The following MAST2 variants were observed in gnomAD, a reference collection of about 807,000 sequenced individuals.
MAST2 encodes microtubule-associated serine/threonine-protein kinase 2.
Under a neutral mutation model 147.4 loss-of-function variants are expected in MAST2, and 70 were observed. The ratio of observed to expected loss-of-function variants is 0.47; its 90% CI spans 0.39 to 0.58. The LOEUF (loss-of-function observed/expected upper bound fraction) is 0.58, where lower values mean the gene tolerates loss of function less well. Among genes scored for constraint, MAST2 ranks in the 20% least tolerant of loss-of-function variants. The pLI, the probability that MAST2 is intolerant of heterozygous loss-of-function variation, is 0.00. For missense variants in MAST2, 2,080 were observed against 2,302.3 expected (o/e 0.90, Z 1.98); for synonymous variants, 869 against 896.8 (o/e 0.97, Z 0.55).
At chr1:46,010,707 T>C in intron 9 of MAST2, 23 bp from the exon 10 acceptor site, 1 of 1,608,874 alleles carries the variant, frequency 6.2e-7, no homozygotes. Flanking sequence ...AGGGAAGTGT[T>C]TCTTTCTTGC....
chr1:46,034,014 G>A, intron 27 of MAST2, 59 bp from the exon 28 acceptor site: 1 of 1,605,214 alleles, frequency 6.2e-7, no homozygotes, highest in Non-Finnish European at 8.5e-7. Context: ...TTGGCCCTGG[G>A]GGTCCAGTGT....
intron 3 of MAST2, among the ~76,000 whole-genome samples, chr1:45,859,163 C>T (rs529995912): frequency 9.2e-5 from 14 of 152,150 alleles, no homozygotes; most frequent in East Asian, 5.8e-4. Flanking sequence ...ATTGGTATCT[C>T]GGCTCACTGC....
At chr1:46,033,305 A>G (rs1368837406) in intron 26 of MAST2, among the ~76,000 whole-genome samples, 1 of 150,962 alleles carries the variant, frequency 6.6e-6, no homozygotes, top group Non-Finnish European at 1.5e-5. Context: ...CGAGTGTGGT[A>G]GCACATGCCT....
At chr1:45,893,210 T>C (rs12410070) in intron 4 of MAST2, among the ~76,000 whole-genome samples, 67,417 of 151,480 alleles carry the variant, frequency 0.45, 15,152 homozygotes, top group East Asian at 0.62. Flanking sequence ...TTTATTTATT[T>C]ATTTATTTTA....
chr1:45,932,532 G>C (rs1343219801), intron 4 of MAST2, among the ~76,000 whole-genome samples: 1 of 152,094 alleles, frequency 6.6e-6, no homozygotes, highest in Non-Finnish European at 1.5e-5. Context: ...AACTAGCCAG[G>C]CGTGGTGGCT....
chr1:45,884,785 A>G (rs1211597942), intron 4 of MAST2, among the ~76,000 whole-genome samples: 1 of 152,188 alleles, frequency 6.6e-6, no homozygotes, highest in East Asian at 1.9e-4. Flanking sequence ...GGGTACTAAT[A>G]TAGGCTTTGC....
intron 4 of MAST2, among the ~76,000 whole-genome samples, chr1:45,899,825 A>G (rs1187481033): frequency 3.3e-5 from 5 of 151,910 alleles, no homozygotes; most frequent in Non-Finnish European, 7.4e-5. Context: ...ATCAGGCCCA[A>G]GGGGAAAAAA....
chr1:46,013,923 T>C (rs1211532987), intron 10 of MAST2, among the ~76,000 whole-genome samples: 3 of 152,166 alleles, frequency 2.0e-5, no homozygotes, highest in African/African-American at 7.2e-5. Context: ...CTGCTCAACC[T>C]TTCTCTTCAT....
rs1357461164 is a variant in MAST2 at position 46,035,458 on chromosome 1, T to A, written c.4789T>A (p.Ser1597Thr). 1 of 1,613,070 alleles carries A rather than the reference T, an allele frequency of 6.2e-7. No individual in the cohort carries two copies. The highest frequency in any genetic ancestry group is 1.3e-5 in the African/African-American group (1 of 74,836). Residue 1597 changes from serine to threonine, a missense_variant, in exon 29 of 29, where the codon TCA (serine) becomes ACA (threonine). Coordinates refer to ENST00000361297, the MANE Select transcript of MAST2 (RefSeq NM_015112.3). The surrounding 1 kb of genome is among the most constrained non-coding windows in gnomAD (Gnocchi z 5.5). ...QAIEEAASSS[S>T]AGPNLGQSGA... ...CATTGAGGAGGCTGCCAGCTCCTCCTCAGCAGGCCCCAACCTAGGTCAGTC... is the reference window on the plus strand; with the variant it reads ...CATTGAGGAGGCTGCCAGCTCCTCCACAGCAGGCCCCAACCTAGGTCAGTC...
chr1:45,999,200 G>T (rs1389153888), intron 6 of MAST2, among the ~76,000 whole-genome samples: 1 of 152,156 alleles, frequency 6.6e-6, no homozygotes, highest in African/African-American at 2.4e-5. Flanking sequence ...TAGCTGACGT[G>T]GGTTTCCTCC....
Position 45,824,722 on chromosome 1 carries a change from C to G in MAST2, c.325+142C>G. ...ACATTTATGGTAAGGCTGTCTTCCTCTCCTTACTTCTTCCTCATGGAATCT... is the reference window on the plus strand; with the variant it reads ...ACATTTATGGTAAGGCTGTCTTCCTGTCCTTACTTCTTCCTCATGGAATCT... On this transcript the variant is annotated intron_variant, in intron 2 of 28. Transcript: ENST00000361297. 3.8e-6 allele frequency: 3 copies of G among 798,630 alleles called. No homozygotes were observed. The South Asian group carries it at 8.0e-5, about 21-fold the overall frequency. 49.5% of individuals were successfully genotyped at this position (798,630 alleles called of 1,614,324 possible).
intron 5 of MAST2, among the ~76,000 whole-genome samples, chr1:45,987,777 A>ATTTTTTTTTTTTTTTTTTTTTTTAT (rs1644696222): frequency 4.6e-5 from 1 of 21,780 alleles, no homozygotes; most frequent in African/African-American, 2.1e-4. Context: ...TTTTTTTTTG[A>ATTTTTTTTTTTTTTTTTTTTTTTAT]TTTTTTTTTT....
Position 46,035,191 on chromosome 1 carries a change from A to G in MAST2, c.4522A>G (p.Thr1508Ala). ...TGAGGTGGACTCCTCAGAGGACGAC[A>G]CCGAGGAAGGGCCTGAGAACAGCCA... ...IREVDSSEDDTEEGPENSQGA... is the reference protein window; with the variant it reads ...IREVDSSEDDAEEGPENSQGA... Residue 1508 changes from threonine (T) to alanine (A), a missense_variant, in exon 29 of 29, where the codon ACC becomes GCC. This residue lies in a region of MAST2 where 1,278 missense variants were observed against 1,304.2 expected (regional missense o/e 0.98). Transcript: ENST00000361297. The surrounding 1 kb of genome is among the most constrained non-coding windows in gnomAD (Gnocchi z 5.5). The G allele has an allele frequency of 6.2e-7, 1 of 1,614,036 alleles. No homozygotes were observed. Among genetic ancestry groups the G allele is most frequent in the Middle Eastern group, 1.6e-4 (1 of 6,062 alleles).
chr1:45,906,717 T>C (rs942966013), intron 4 of MAST2, among the ~76,000 whole-genome samples: 1 of 150,620 alleles, frequency 6.6e-6, no homozygotes, highest in African/African-American at 2.4e-5. Flanking sequence ...AATGTTATTA[T>C]GCAATATTAA....
intron 1 of MAST2, among the ~76,000 whole-genome samples, chr1:45,814,783 A>G (rs1644404176): frequency 1.3e-5 from 2 of 152,198 alleles, no homozygotes; most frequent in South Asian, 4.1e-4. Flanking sequence ...GCGAAACTCT[A>G]TCTCAAAAAT....
chr1:45,824,638 T>G (rs1444315791), intron 2 of MAST2, 58 bp downstream of exon 2: 2 of 1,466,790 alleles, frequency 1.4e-6, no homozygotes, highest in Non-Finnish European at 1.8e-6. Flanking sequence ...AATATTTAAG[T>G]GTATATTAAT....
At chr1:45,984,741 A>G (rs1644546979) in intron 5 of MAST2, among the ~76,000 whole-genome samples, 1 of 152,050 alleles carries the variant, frequency 6.6e-6, no homozygotes, top group African/African-American at 2.4e-5. Context: ...TAATCCCAAC[A>G]CTTTGGGAGG....
chr1:45,911,730 A>C (rs1651678717), intron 4 of MAST2, among the ~76,000 whole-genome samples: 1 of 151,298 alleles, frequency 6.6e-6, no homozygotes, highest in Non-Finnish European at 1.5e-5. Flanking sequence ...GAATAATAGT[A>C]CATATATCAT....
chr1:45,926,591 T>C (rs925470273), intron 4 of MAST2, among the ~76,000 whole-genome samples: 11 of 152,198 alleles, frequency 7.2e-5, no homozygotes, highest in African/African-American at 2.7e-4. Flanking sequence ...CACTTTGAAT[T>C]ACATTCTTTC....
Sources: gnomAD v4.1 joint callset for allele counts (sites outside exome capture counted in the v4.1 genomes callset) on GRCh38, gnomAD v4.1.1 for gene constraint, gnomAD v4.1.1 regional missense constraint, Gnocchi (gnomAD v3.1) non-coding constraint, MANE v1.5 for transcripts, NCBI Gene and HGNC (gene_info 2026-07-23, HGNC 2026-07-21) for gene names.